The following ANGPT1 variants were observed in gnomAD, a reference collection of about 807,000 sequenced individuals.
ANGPT1 encodes the protein angiopoietin 1, also known as angiopoietin-1.
Under a neutral mutation model 62.2 loss-of-function variants are expected in ANGPT1, and 17 were observed. The ratio of observed to expected loss-of-function variants is 0.27; its 90% confidence interval spans 0.19 to 0.41. ANGPT1 has a LOEUF of 0.41. Ranked by LOEUF, ANGPT1 falls within the 10% of genes least tolerant of loss-of-function variation. The pLI is 1.00. For missense variants in ANGPT1, 478 were observed against 594.9 expected, an observed-to-expected ratio of 0.80 and a Z score of 2.04; for synonymous variants, 199 against 198.9, an observed-to-expected ratio of 1.00 and a Z score of 0.00.
intron 7 of ANGPT1, chr8:107,284,386 A>C (rs1586187064): frequency 5.5e-6 from 1 of 182,808 alleles, no homozygotes; most frequent in African/African-American, 2.3e-5. Flanking sequence ...AGTTTTATAT[A>C]TATGAATTCA....
At chr8:107,380,359 T>TTG (rs71308731) in intron 1 of ANGPT1, among the ~76,000 whole-genome samples, 65,751 of 148,526 alleles carry the variant, frequency 0.44, 15,641 homozygotes, top group East Asian at 0.62. Context: ...TGCAGGATGT[T>TTG]TGTGTGTGTG....
intron 1 of ANGPT1, among the ~76,000 whole-genome samples, chr8:107,376,715 T>C (rs1403325156): frequency 6.6e-6 from 1 of 152,192 alleles, no homozygotes; most frequent in Non-Finnish European, 1.5e-5. Context: ...TTTATCCCAC[T>C]GAAAAATAAG....
chr8:107,383,369 A>G (rs1816675398), intron 1 of ANGPT1, among the ~76,000 whole-genome samples: 2 of 152,192 alleles, frequency 1.3e-5, no homozygotes, highest in South Asian at 4.1e-4. Flanking sequence ...CCATAGCCAA[A>G]GCAAAAGTCC....
intron 8 of ANGPT1, 60 bp from the exon 9 acceptor site, chr8:107,252,075 A>G (rs1563534619): frequency 5.2e-6 from 8 of 1,537,702 alleles, no homozygotes; most frequent in East Asian, 2.3e-5. Context: ...AGTAAATGGA[A>G]TATTTGGAAA....
At chr8:107,359,721 T>C (rs541010189) in intron 1 of ANGPT1, among the ~76,000 whole-genome samples, 1 of 152,302 alleles carries the variant, frequency 6.6e-6, no homozygotes, top group Non-Finnish European at 1.5e-5. Flanking sequence ...ATTTAGCATG[T>C]TCTCAATTAT....
At chr8:107,322,308 T>C (rs780663952) in intron 3 of ANGPT1, among the ~76,000 whole-genome samples, 180 bp from the exon 4 acceptor site, 1 of 146,070 alleles carries the variant, frequency 6.8e-6, no homozygotes, top group South Asian at 2.1e-4. Context: ...ACATATAACA[T>C]GTCAAATAAA....
intron 4 of ANGPT1, among the ~76,000 whole-genome samples, chr8:107,306,325 T>C (rs1814716800): frequency 6.6e-6 from 1 of 152,156 alleles, no homozygotes; most frequent in Non-Finnish European, 1.5e-5. Flanking sequence ...CTGGTTTCAT[T>C]CATTGAATAA....
intron 3 of ANGPT1, among the ~76,000 whole-genome samples, chr8:107,324,215 A>ATGTATATATATGAG (rs1554582627): frequency 3.5e-5 from 5 of 144,772 alleles, no homozygotes; most frequent in Non-Finnish European, 7.5e-5. Context: ...GTATATATAT[A>ATGTATATATATGAG]TGTGTGTGTG....
At chr8:107,403,932 G>A (rs1443438404) in intron 1 of ANGPT1, among the ~76,000 whole-genome samples, 2 of 152,006 alleles carry the variant, frequency 1.3e-5, no homozygotes, top group Non-Finnish European at 2.9e-5. Flanking sequence ...ATGGCCACTG[G>A]AGAATTTTAA....
chr8:107,461,845 C>T (rs961754203), intron 1 of ANGPT1, among the ~76,000 whole-genome samples: 11 of 152,070 alleles, frequency 7.2e-5, no homozygotes, highest in African/African-American at 2.7e-4. Context: ...CTGAAATATA[C>T]ACAATGTTAG....
chr8:107,346,330 T>A (rs988037655), intron 2 of ANGPT1, among the ~76,000 whole-genome samples: 1 of 152,142 alleles, frequency 6.6e-6, no homozygotes, highest in African/African-American at 2.4e-5. Context: ...ATGACAGTCA[T>A]CAAAATGATA....
At chr8:107,408,636 G>A (rs1207157580) in intron 1 of ANGPT1, among the ~76,000 whole-genome samples, 2 of 152,128 alleles carry the variant, frequency 1.3e-5, no homozygotes, top group African/African-American at 2.4e-5. Flanking sequence ...ATAATGGATG[G>A]CAAATAAAGG....
intron 1 of ANGPT1, among the ~76,000 whole-genome samples, chr8:107,396,221 G>A (rs983084524): frequency 8.6e-5 from 13 of 152,032 alleles, no homozygotes; most frequent in African/African-American, 3.1e-4. Flanking sequence ...CATCATGCTG[G>A]GAAATTCAAG....
At chr8:107,342,622 T>C (rs543785599) in intron 2 of ANGPT1, among the ~76,000 whole-genome samples, 13 of 152,302 alleles carry the variant, frequency 8.5e-5, no homozygotes, top group African/African-American at 3.1e-4. Context: ...GGCCATAGGC[T>C]GCTGAGCCCT....
At chr8:107,450,705 GGTGTGT>G (rs140884696) in intron 1 of ANGPT1, among the ~76,000 whole-genome samples, 3 of 142,292 alleles carry the variant, frequency 2.1e-5, no homozygotes, top group Non-Finnish European at 3.1e-5. Context: ...AATGGGAATA[GGTGTGT>G]GTGTGTGTGT....
At chr8:107,427,613 C>T (rs1811073263) in intron 1 of ANGPT1, among the ~76,000 whole-genome samples, 1 of 152,162 alleles carries the variant, frequency 6.6e-6, no homozygotes, top group African/African-American at 2.4e-5. Flanking sequence ...GTTTGATTCT[C>T]CCCTCCCTTT....
rs879014569 is a variant in ANGPT1 at position 107,251,096 on chromosome 8, G to T, written c.*759C>A. 2 of 152,056 alleles carry T rather than the reference G, an allele frequency of 1.3e-5. No homozygotes were observed. Among genetic ancestry groups the T allele is most frequent in the South Asian group, 4.2e-4 (2 of 4,808 alleles). The allele number at this position is 152,056 out of a possible 1,614,324, so 9.4% of individuals were successfully genotyped here. On this transcript the variant is annotated 3_prime_UTR_variant, in exon 9 of 9. Transcript: ENST00000517746. Reference sequence around the variant, plus strand: ...AGTAAATGAAAACCATAGTATGGGGGTGGTAAGTTTTCACCACATACATCC... The same window carrying T: ...AGTAAATGAAAACCATAGTATGGGGTTGGTAAGTTTTCACCACATACATCC...
At chr8:107,424,557 T>C (rs1431209226) in intron 1 of ANGPT1, among the ~76,000 whole-genome samples, 1 of 152,172 alleles carries the variant, frequency 6.6e-6, no homozygotes, top group Non-Finnish European at 1.5e-5. Context: ...AAAAATTGAA[T>C]GTGATGGCCA....
rs564138246 is a variant in ANGPT1 at position 107,413,354 on chromosome 8, G to A, written c.298-66257C>T. Among the ~76,000 whole-genome samples, 19 of 152,106 alleles carry A rather than the reference G, an allele frequency of 1.2e-4. No individual in the cohort carries two copies. In the South Asian group the frequency reaches 2.5e-3, roughly 20 times the overall value. On this transcript the variant is annotated intron_variant, in intron 1 of 8. Transcript: ENST00000517746. Reference sequence around the variant, plus strand: ...CTCTGCTCCCCAGCCTTCCTGCCTCGAATCTTCTGTAGCTATTTTGCTCCT... The same window carrying A: ...CTCTGCTCCCCAGCCTTCCTGCCTCAAATCTTCTGTAGCTATTTTGCTCCT...
Sources: gnomAD v4.1 joint callset for allele counts (sites outside exome capture counted in the v4.1 genomes callset) on GRCh38, gnomAD v4.1.1 for gene constraint, MANE v1.5 for transcripts, NCBI Gene and HGNC (gene_info 2026-07-23, HGNC 2026-07-21) for gene names.